Variants in LIMD1 observed in about 807,000 individuals in gnomAD.
LIMD1 encodes LIM domain-containing protein 1.
In LIMD1, 23 loss-of-function variants were observed where a neutral mutation model predicts 58.4. The ratio of observed to expected loss-of-function variants is 0.39; its 90% CI spans 0.28 to 0.56. The LOEUF (loss-of-function observed/expected upper bound fraction) is 0.56. LIMD1 is among the 20% of genes least tolerant of loss of function. The pLI is 0.57. For missense variants in LIMD1, 838 were observed against 855.5 expected (o/e 0.98, Z 0.25); for synonymous variants, 334 against 345.5 (o/e 0.97, Z 0.37).
At chr3:45,668,416 A>G (rs924980211) in intron 4 of LIMD1, 60 bp downstream of exon 4, 14 of 1,338,382 alleles carry the variant, frequency 1.0e-5, no homozygotes, top group Non-Finnish European at 1.4e-5. Flanking sequence ...GTGTTCAGAG[A>G]AAAAAGAAAT....
chr3:45,613,307 T>G (rs886523117), intron 1 of LIMD1, among the ~76,000 whole-genome samples: 1 of 152,256 alleles, frequency 6.6e-6, no homozygotes, highest in Non-Finnish European at 1.5e-5. Context: ...GAAAGTGTTG[T>G]GGTCAGAAGT....
At position 45,677,024 on chromosome 3, in the gene LIMD1, C is replaced by A. The variant is rs769001932; in HGVS notation, c.1996C>A (p.Pro666Thr). The change falls in exon 8 of 8, where the codon CCC (proline) becomes ACC (threonine). Residue 666 changes from proline (P) to threonine (T), a missense_variant. By Grantham distance (38) the Pro-to-Thr change is conservative. Transcript: ENST00000273317. Reference sequence around the variant, plus strand: ...CCACGTGAAGAGGCTGGAGAAGAGACCCTCATCTACAGCCCTTCACCAGCA... The same window carrying A: ...CCACGTGAAGAGGCTGGAGAAGAGAACCTCATCTACAGCCCTTCACCAGCA... ...SCHVKRLEKRPSSTALHQHHF is the reference protein window; with the variant it reads ...SCHVKRLEKRTSSTALHQHHF 11 of 1,613,962 alleles carry A rather than the reference C, an allele frequency of 6.8e-6. No individual in the cohort carries two copies. The African/African-American group carries it at 1.2e-4, about 18-fold the overall frequency.
chr3:45,606,661 C>T (rs6782340), intron 1 of LIMD1, among the ~76,000 whole-genome samples: 86,143 of 152,116 alleles, frequency 0.57, 24,849 homozygotes, highest in Non-Finnish European at 0.63. Flanking sequence ...GCTCGTGTGA[C>T]ATCCCCAAGT....
intron 1 of LIMD1, among the ~76,000 whole-genome samples, chr3:45,601,606 G>C (rs1303010157): frequency 1.3e-5 from 2 of 152,188 alleles, no homozygotes; most frequent in Non-Finnish European, 2.9e-5. Flanking sequence ...GGTGTGCCGG[G>C]CACTGGAGTT....
intron 2 of LIMD1, among the ~76,000 whole-genome samples, chr3:45,663,868 A>T (rs1575364905): frequency 2.9e-5 from 3 of 102,846 alleles, no homozygotes; most frequent in Non-Finnish European, 5.5e-5. Flanking sequence ...TGCCTGGCTA[A>T]TTTTTTTTTT....
chr3:45,681,362 T>C lies in LIMD1; in HGVS notation c.*4303T>C, dbSNP rs1421075527. 1 of 152,226 alleles carries C rather than the reference T, an allele frequency of 6.6e-6. No homozygotes were observed. Among genetic ancestry groups the C allele is most frequent in the Non-Finnish European group, 1.5e-5 (1 of 68,042 alleles). 9.4% of individuals were successfully genotyped at this position (152,226 alleles called of 1,614,324 possible). A position where few individuals can be genotyped will look rare whatever the true frequency, so the allele number is the denominator to read the frequency against. On this transcript the variant is annotated 3_prime_UTR_variant, in exon 8 of 8. Transcript: ENST00000273317. ...GCTCTGGATTCTTAAAAGTACCACATAGGTAGCAAACCTGTGAAGGGTATG... is the reference window on the plus strand; with the variant it reads ...GCTCTGGATTCTTAAAAGTACCACACAGGTAGCAAACCTGTGAAGGGTATG...
At chr3:45,612,474 C>T (rs1701535331) in intron 1 of LIMD1, among the ~76,000 whole-genome samples, 1 of 152,170 alleles carries the variant, frequency 6.6e-6, no homozygotes, top group South Asian at 2.1e-4. Context: ...TGCTCTATTA[C>T]TTTAAGCATT....
intron 1 of LIMD1, among the ~76,000 whole-genome samples, chr3:45,625,426 C>A (rs1381208862): frequency 6.6e-6 from 1 of 152,134 alleles, no homozygotes. Flanking sequence ...GTCTCTGAGC[C>A]TTCATTTACC....
chr3:45,606,284 C>A (rs138009743), intron 1 of LIMD1, among the ~76,000 whole-genome samples: 1 of 152,172 alleles, frequency 6.6e-6, no homozygotes, highest in Admixed American at 6.5e-5. Context: ...ATTTTGACCA[C>A]TGTGTTGTGA....
At chr3:45,665,211 C>T (rs574260824) in intron 2 of LIMD1, among the ~76,000 whole-genome samples, 10 of 151,970 alleles carry the variant, frequency 6.6e-5, no homozygotes, top group Non-Finnish European at 1.2e-4. Flanking sequence ...ATAGGACTCT[C>T]CTGATAGGCG....
intron 2 of LIMD1, among the ~76,000 whole-genome samples, chr3:45,641,366 A>T (rs1267722878): frequency 1.3e-5 from 2 of 152,034 alleles, no homozygotes; most frequent in African/African-American, 2.4e-5. Flanking sequence ...TATCTTGGTT[A>T]TTGATAGAGT....
chr3:45,675,567 AT>A (rs1697656700), intron 7 of LIMD1, among the ~76,000 whole-genome samples: 4 of 151,590 alleles, frequency 2.6e-5, no homozygotes, highest in African/African-American at 9.7e-5. Flanking sequence ...AATTAAAGTC[AT>A]GTATCATTTT....
At chr3:45,611,809 T>A (rs1220637777) in intron 1 of LIMD1, among the ~76,000 whole-genome samples, 1 of 152,028 alleles carries the variant, frequency 6.6e-6, no homozygotes, top group African/African-American at 2.4e-5. Flanking sequence ...GCCACAGAGG[T>A]CAGTTAGAAG....
At chr3:45,638,183 A>G (rs1701808330) in intron 2 of LIMD1, among the ~76,000 whole-genome samples, 1 of 106,132 alleles carries the variant, frequency 9.4e-6, no homozygotes, top group Admixed American at 9.8e-5. Context: ...CATTAAACCC[A>G]TTAATTGGTT....
At position 45,676,917 on chromosome 3, in the gene LIMD1, C is replaced by A; in HGVS notation, c.1894-5C>A. ...CTTCCCCTGGACATGTCTGCCTCCC[C>A]ACAGGACTGTGGTCTGGAGCTCAAT... On this transcript the variant is annotated splice_region_variant and splice_polypyrimidine_tract_variant and intron_variant, in intron 7 of 7. Transcript: ENST00000273317. 1 of 1,614,056 alleles carries A rather than the reference C, an allele frequency of 6.2e-7. No individual in the cohort carries two copies. The highest frequency in any genetic ancestry group is 8.5e-7 in the Non-Finnish European group (1 of 1,179,940).
rs771779064 is a variant in LIMD1 at position 45,595,670 on chromosome 3, C to G, written c.791C>G (p.Ser264Cys). The stretch of plus-strand genomic sequence containing the variant: ...AGCGAGAAGCCAACAGGCCTTTGGT[C>G]CACTGCCTCCTCCCAGCGGGTGAGC... ...RSSEKPTGLWSTASSQRVSPG... is the reference protein window; with the variant it reads ...RSSEKPTGLWCTASSQRVSPG... Residue 264 changes from serine to cysteine, a missense_variant, in exon 1 of 8, where the codon TCC becomes TGC. This residue lies in a region of LIMD1 where 659 missense variants were observed against 639.8 expected (regional missense o/e 1.03). Coordinates refer to ENST00000273317, the MANE Select transcript of LIMD1 (RefSeq NM_014240.3). The G allele has an allele frequency of 6.2e-7, 1 of 1,614,060 alleles. No individual in the cohort carries two copies. Among genetic ancestry groups the G allele is most frequent in the East Asian group, 2.2e-5 (1 of 44,886 alleles).
intron 3 of LIMD1, among the ~76,000 whole-genome samples, chr3:45,667,183 A>G (rs561395351): frequency 4.1e-4 from 63 of 152,282 alleles, no homozygotes; most frequent in African/African-American, 1.4e-3. Context: ...GGAATCCTCC[A>G]CAGACGTCTG....
chr3:45,632,154 C>T (rs1270459857), intron 1 of LIMD1, among the ~76,000 whole-genome samples: 1 of 152,192 alleles, frequency 6.6e-6, no homozygotes, highest in African/African-American at 2.4e-5. Context: ...ATGTAGCCTG[C>T]TTCGAGTGTG....
At chr3:45,673,595 C>T in intron 6 of LIMD1, 90 bp downstream of exon 6, 1 of 1,096,844 alleles carries the variant, frequency 9.1e-7, no homozygotes, top group South Asian at 1.2e-5. Context: ...CCTGTCCTTA[C>T]AGCTTTTAAG....
Sources: allele counts gnomAD v4.1 joint callset (sites outside exome capture counted in the v4.1 genomes callset), GRCh38; gene constraint gnomAD v4.1.1; regional missense constraint gnomAD v4.1.1; transcripts MANE v1.5; gene names NCBI Gene and HGNC (gene_info 2026-07-23, HGNC 2026-07-21).